OAF: variants seen among roughly 807,000 people sequenced by gnomAD.
OAF encodes out at first homolog.
Under a neutral mutation model 22.5 loss-of-function variants are expected in OAF, and 13 were observed. The observed-to-expected ratio is 0.58, with a 90% CI of 0.38 to 0.92. The LOEUF (loss-of-function observed/expected upper bound fraction) is 0.92. Among genes scored for constraint, OAF ranks in the 40% least tolerant of loss-of-function variants. OAF has a pLI of 0.00. For synonymous variants in OAF, 175 were observed against 170.5 expected, an observed-to-expected ratio of 1.03 and a Z score of -0.21; for missense variants, 347 against 381.8, an observed-to-expected ratio of 0.91 and a Z score of 0.76.
At chr11:120,228,821 T>TGCCAGC in intron 3 of OAF, 47 bp from the exon 4 acceptor site, 26 of 520,266 alleles carry the variant, frequency 5.0e-5, no homozygotes, top group East Asian at 6.8e-5. Context: ...GGGAGCTCCT[T>TGCCAGC]CCCTCCCTCC....
At chr11:120,220,680 C>A (rs1938269610) in intron 1 of OAF, among the ~76,000 whole-genome samples, 1 of 152,166 alleles carries the variant, frequency 6.6e-6, no homozygotes, top group African/African-American at 2.4e-5. Context: ...GCCCTGCACA[C>A]AAGGCACAGC....
intron 1 of OAF, among the ~76,000 whole-genome samples, chr11:120,218,051 G>A (rs950622295): frequency 2.0e-5 from 3 of 152,212 alleles, no homozygotes; most frequent in Non-Finnish European, 4.4e-5. Context: ...ACAGTGGGGC[G>A]CAGTTGATCC....
chr11:120,211,476 G>T lies in OAF; in HGVS notation c.197G>T (p.Gly66Val). ...AGCCTCGAGCTGCGCAAGCCCGACG[G>T]CACCCTCGTCTCCTTCACCGCCGAC... ...SISLELRKPD[G>V]TLVSFTADFK... is the part of the protein sequence containing the mutation. The change falls in exon 1 of 4, where the codon GGC (glycine) becomes GTC (valine). Residue 66 changes from glycine to valine, a missense_variant. By Grantham distance (109) the Gly-to-Val change is moderately radical (BLOSUM62 -3). Coordinates refer to ENST00000328965, the MANE Select transcript of OAF (RefSeq NM_178507.4). 2 of 1,505,696 alleles carry T rather than the reference G, an allele frequency of 1.3e-6. No homozygotes were observed. The highest frequency in any genetic ancestry group is 1.8e-6 in the Non-Finnish European group (2 of 1,122,626). 93.3% of individuals were successfully genotyped at this position (1,505,696 alleles called of 1,614,324 possible).
chr11:120,228,676 G>A (rs776643719), intron 3 of OAF, among the ~76,000 whole-genome samples, 192 bp from the exon 4 acceptor site: 14 of 152,122 alleles, frequency 9.2e-5, no homozygotes, highest in Non-Finnish European at 1.3e-4. Flanking sequence ...TTTCTCCCAC[G>A]AGCCCAGCAA....
rs1185224365 is a variant in OAF at position 120,228,948 on chromosome 11, C to T, written c.628C>T (p.His210Tyr). The stretch of plus-strand genomic sequence containing the variant: ...GCCTCGCTGCAGGCAGGTGGGGGAC[C>T]ACGGGAAGCCCTGCGTCTGCCGCTA... ...ELPRCRQVGD[H>Y]GKPCVCRYGL... The change falls in exon 4 of 4, where the codon CAC becomes TAC. Residue 210 changes from histidine to tyrosine, a missense_variant. Physicochemically the swap from His to Tyr is moderately conservative, Grantham distance 83 (BLOSUM62 2). Coordinates refer to ENST00000328965, the MANE Select transcript of OAF (RefSeq NM_178507.4). 4.3e-6 allele frequency: 7 copies of T among 1,611,914 alleles called. No individual in the cohort carries two copies. The highest frequency in any genetic ancestry group is 1.7e-5 in the Admixed American group (1 of 59,998).
chr11:120,221,667 C>G (rs942506856), intron 1 of OAF, among the ~76,000 whole-genome samples: 5 of 152,314 alleles, frequency 3.3e-5, no homozygotes, highest in Admixed American at 2.0e-4. Flanking sequence ...GCTCCAGAGC[C>G]TTTGTTCTTA....
chr11:120,214,863 C>T (rs1033759307), intron 1 of OAF, among the ~76,000 whole-genome samples: 4 of 152,222 alleles, frequency 2.6e-5, no homozygotes, highest in Admixed American at 1.3e-4. Context: ...GCAAGCCCTG[C>T]CCAGAGGCTG....
Position 120,229,373 on chromosome 11 carries a change from AGG to A in OAF, c.*233_*234del. 8 of 545,340 alleles carry A rather than the reference AGG, an allele frequency of 1.5e-5. No individual in the cohort carries two copies. The highest frequency in any genetic ancestry group is 2.3e-5 in the Non-Finnish European group (7 of 301,116). 33.8% of individuals were successfully genotyped at this position (545,340 alleles called of 1,614,324 possible). ...CCCTGTGCCTTCCTTGCGGGCAGAG[AGG>A]GAGAGAAGGGCTCCCCAGATCTACA... On this transcript the variant is annotated 3_prime_UTR_variant, in exon 4 of 4. Transcript: ENST00000328965.
intron 1 of OAF, among the ~76,000 whole-genome samples, chr11:120,218,579 G>A (rs1266958383): frequency 6.6e-6 from 1 of 152,248 alleles, no homozygotes; most frequent in Non-Finnish European, 1.5e-5. Context: ...GCTCTCTGGT[G>A]TGACAGGAAG....
chr11:120,215,676 A>G (rs182784053), intron 1 of OAF, among the ~76,000 whole-genome samples: 1 of 152,254 alleles, frequency 6.6e-6, no homozygotes, highest in Non-Finnish European at 1.5e-5. Context: ...TAGGTGTGTC[A>G]CCATCCCCTC....
chr11:120,223,080 C>CA (rs1378710146), intron 1 of OAF, among the ~76,000 whole-genome samples: 39 of 152,358 alleles, frequency 2.6e-4, no homozygotes, highest in African/African-American at 8.7e-4. Context: ...TGACTTAAGG[C>CA]AGGCTGCCGC....
intron 3 of OAF, 145 bp from the exon 4 acceptor site, chr11:120,228,723 C>T (rs565358726): frequency 8.5e-5 from 55 of 646,460 alleles, no homozygotes; most frequent in Admixed American, 3.1e-4. Context: ...CTCTGTGTCC[C>T]ATGGCAAGCT....
At chr11:120,215,348 G>A (rs988758389) in intron 1 of OAF, among the ~76,000 whole-genome samples, 1 of 152,128 alleles carries the variant, frequency 6.6e-6, no homozygotes, top group Non-Finnish European at 1.5e-5. Context: ...AAGAACCCAG[G>A]TGATTCCAGT....
intron 1 of OAF, 117 bp from the exon 2 acceptor site, chr11:120,225,544 G>C (rs960965156): frequency 4.0e-5 from 32 of 795,368 alleles, no homozygotes; most frequent in Admixed American, 6.2e-5. Context: ...CAGGAGGGAG[G>C]TGTCTGTTGC....
At chr11:120,223,370 T>C (rs933454106) in intron 1 of OAF, among the ~76,000 whole-genome samples, 1 of 152,186 alleles carries the variant, frequency 6.6e-6, no homozygotes, top group Non-Finnish European at 1.5e-5. Flanking sequence ...CAATCATAGC[T>C]CCTACCGCCT....
chr11:120,228,979 T>C lies in OAF; in HGVS notation c.659T>C (p.Leu220Pro). ...HGKPCVCRYG[L>P]SLAWYPCMLK... is the part of the protein sequence containing the mutation. ...AAGCCCTGCGTCTGCCGCTATGGCC[T>C]GAGCCTGGCCTGGTACCCCTGCATG... Residue 220 changes from leucine (L) to proline (P), a missense_variant, in exon 4 of 4, where the codon CTG becomes CCG. Physicochemically the swap from Leu to Pro is moderately conservative, Grantham distance 98. Coordinates refer to ENST00000328965, the MANE Select transcript of OAF (RefSeq NM_178507.4). The C allele has an allele frequency of 6.2e-7, 1 of 1,613,300 alleles. No individual in the cohort carries two copies. Among genetic ancestry groups the C allele is most frequent in the Non-Finnish European group, 8.5e-7 (1 of 1,179,988 alleles).
At chr11:120,218,321 C>T (rs1002512249) in intron 1 of OAF, among the ~76,000 whole-genome samples, 3 of 152,166 alleles carry the variant, frequency 2.0e-5, no homozygotes, top group Non-Finnish European at 2.9e-5. Context: ...TCGGGATGTG[C>T]GTGGCCTGGC....
At chr11:120,220,009 C>T (rs115943292) in intron 1 of OAF, among the ~76,000 whole-genome samples, 1 of 152,174 alleles carries the variant, frequency 6.6e-6, no homozygotes, top group East Asian at 1.9e-4. Flanking sequence ...TGCGACAGAC[C>T]CCAGGGTCAC....
At chr11:120,215,223 A>G (rs750052753) in intron 1 of OAF, among the ~76,000 whole-genome samples, 4 of 152,200 alleles carry the variant, frequency 2.6e-5, no homozygotes, top group Non-Finnish European at 5.9e-5. Flanking sequence ...GCATGGTGGC[A>G]TGCACCTGTA....
Sources: gnomAD v4.1 joint callset for allele counts (sites outside exome capture counted in the v4.1 genomes callset) on GRCh38, gnomAD v4.1.1 for gene constraint, MANE v1.5 for transcripts, NCBI Gene and HGNC (gene_info 2026-07-23, HGNC 2026-07-21) for gene names.